MAML2: variants seen among roughly 807,000 people sequenced by gnomAD.
The protein encoded by MAML2 is mastermind like transcriptional coactivator 2.
MAML2 carries 22 observed loss-of-function variants against 96.1 expected under a neutral mutation model. The ratio of observed to expected loss-of-function variants is 0.23; its 90% CI spans 0.16 to 0.33. The LOEUF (loss-of-function observed/expected upper bound fraction) is 0.33, where lower values mean the gene tolerates loss of function less well. Among genes scored for constraint, MAML2 ranks in the 10% least tolerant of loss-of-function variants. The pLI, the probability that MAML2 is intolerant of heterozygous loss-of-function variation, is 1.00. For synonymous variants in MAML2, 561 were observed against 521.3 expected (o/e 1.08, Z -1.04); for missense variants, 1,367 against 1,392.4 (o/e 0.98, Z 0.29).
intron 1 of MAML2, among the ~76,000 whole-genome samples, chr11:96,308,219 C>T (rs965475249): frequency 6.6e-6 from 1 of 151,998 alleles, no homozygotes; most frequent in Non-Finnish European, 1.5e-5. Context: ...ATATAAAATA[C>T]TAATGACAAA....
chr11:96,258,535 C>T (rs183263647), intron 1 of MAML2, among the ~76,000 whole-genome samples: 2 of 152,174 alleles, frequency 1.3e-5, no homozygotes, highest in Non-Finnish European at 2.9e-5. Context: ...CTGTGATTTG[C>T]AATGGGCTTC....
chr11:95,982,241 A>G (rs1018971178), intron 4 of MAML2, among the ~76,000 whole-genome samples: 3 of 152,202 alleles, frequency 2.0e-5, no homozygotes, highest in Admixed American at 6.5e-5. Context: ...AAAAACACCA[A>G]TATTCACTGT....
At chr11:96,173,926 T>C (rs895959548) in intron 1 of MAML2, among the ~76,000 whole-genome samples, 1 of 152,238 alleles carries the variant, frequency 6.6e-6, no homozygotes, top group Non-Finnish European at 1.5e-5. Context: ...CCTGTTTCTC[T>C]TCAGGACAAG....
intron 1 of MAML2, among the ~76,000 whole-genome samples, chr11:96,262,437 C>T (rs905401074): frequency 6.6e-6 from 1 of 151,642 alleles, no homozygotes; most frequent in African/African-American, 2.4e-5. Flanking sequence ...TCCCTCCAGT[C>T]ACCATTTGTT....
At chr11:96,165,728 A>G (rs1287538749) in intron 1 of MAML2, among the ~76,000 whole-genome samples, 1 of 152,266 alleles carries the variant, frequency 6.6e-6, no homozygotes, top group African/African-American at 2.4e-5. Flanking sequence ...ACGCTCTCAC[A>G]GCAGAGTACC....
Position 96,090,330 on chromosome 11 carries a change from C to T in MAML2, c.2139+1562G>A, listed in dbSNP as rs1859683606. ...CATTTTGGTGATTTATGGCTCTTTC[C>T]ATAATCATTATAGTAATCAACTTAT... On this transcript the variant is annotated intron_variant, in intron 2 of 4. Coordinates refer to ENST00000524717, the MANE Select transcript of MAML2 (RefSeq NM_032427.4). Among the ~76,000 whole-genome samples the T allele has an allele frequency of 2.0e-5, 3 of 152,060 alleles. No homozygotes were observed. The South Asian group carries it at 6.2e-4, about 32-fold the overall frequency.
At chr11:96,182,957 CTTTTTT>C (rs11301035) in intron 1 of MAML2, among the ~76,000 whole-genome samples, 1 of 108,254 alleles carries the variant, frequency 9.2e-6, no homozygotes, top group Non-Finnish European at 1.9e-5. Flanking sequence ...CCTTTCTTTT[CTTTTTT>C]TTTTTTTTTT....
chr11:96,342,353 G>A lies in MAML2; in HGVS notation c.-458C>T. ...AATAGAGAGGACTCCCCCTCACCTA[G>A]TTGTTTCCGACAATTCTTTATGGGG... On this transcript the variant is annotated 5_prime_UTR_variant, in exon 1 of 5. Transcript: ENST00000524717. 1 of 399,980 alleles carries A rather than the reference G, an allele frequency of 2.5e-6. No homozygotes were observed. The highest frequency in any genetic ancestry group is 4.4e-6 in the Non-Finnish European group (1 of 227,098). The allele number at this position is 399,980 out of a possible 1,614,324, so 24.8% of individuals were successfully genotyped here. A position where few individuals can be genotyped will look rare whatever the true frequency, so the allele number is the denominator to read the frequency against.
chr11:96,238,643 A>G (rs1439493070), intron 1 of MAML2, among the ~76,000 whole-genome samples: 1 of 152,198 alleles, frequency 6.6e-6, no homozygotes, highest in Non-Finnish European at 1.5e-5. Context: ...CTTTATTGAT[A>G]TGATATGTAG....
In MAML2 at chr11:96,182,716, G is replaced by A. The variant is rs1325795088; in HGVS notation, c.514-89199C>T. On this transcript the variant is annotated intron_variant, in intron 1 of 4. Coordinates refer to ENST00000524717, the MANE Select transcript of MAML2 (RefSeq NM_032427.4). ...TAAGTAGCTTGCACAAGTCCACACAGCTAGTAAGAGGGCATACCTGAGATT... is the reference window on the plus strand; with the variant it reads ...TAAGTAGCTTGCACAAGTCCACACAACTAGTAAGAGGGCATACCTGAGATT... Among the ~76,000 whole-genome samples, 8 of 152,240 alleles carry A rather than the reference G, an allele frequency of 5.3e-5. No individual in the cohort carries two copies. The East Asian group carries it at 1.5e-3, about 29-fold the overall frequency.
At chr11:96,300,349 GAC>G (rs1414006176) in intron 1 of MAML2, among the ~76,000 whole-genome samples, 1 of 152,200 alleles carries the variant, frequency 6.6e-6, no homozygotes, top group Non-Finnish European at 1.5e-5. Flanking sequence ...GCCTGGAAGT[GAC>G]CTGAATATAG....
At chr11:96,218,892 G>C (rs1268832477) in intron 1 of MAML2, among the ~76,000 whole-genome samples, 1 of 152,196 alleles carries the variant, frequency 6.6e-6, no homozygotes, top group African/African-American at 2.4e-5. Context: ...AAATTTAACT[G>C]AGCATTTTAT....
intron 1 of MAML2, among the ~76,000 whole-genome samples, chr11:96,130,769 G>GA (rs1860534546): frequency 7.8e-6 from 1 of 128,388 alleles, no homozygotes; most frequent in South Asian, 2.6e-4. Flanking sequence ...TGTTTATTCT[G>GA]ATTTTTTTTT....
At chr11:96,322,566 C>G (rs939511176) in intron 1 of MAML2, among the ~76,000 whole-genome samples, 1 of 151,958 alleles carries the variant, frequency 6.6e-6, no homozygotes, top group Admixed American at 6.5e-5. Flanking sequence ...GTGGCGGGCG[C>G]CTGTATTCCC....
At chr11:96,220,126 A>G (rs560887124) in intron 1 of MAML2, among the ~76,000 whole-genome samples, 5 of 152,248 alleles carry the variant, frequency 3.3e-5, no homozygotes, top group African/African-American at 7.2e-5. Context: ...ATCAGGCCCT[A>G]CGTGAATTGA....
At chr11:96,040,014 C>T (rs934113435) in intron 2 of MAML2, among the ~76,000 whole-genome samples, 3 of 151,558 alleles carry the variant, frequency 2.0e-5, no homozygotes, top group Non-Finnish European at 2.9e-5. Context: ...GCAGCCTATT[C>T]GCTGCACTCA....
intron 1 of MAML2, among the ~76,000 whole-genome samples, chr11:96,126,958 G>A (rs966864334): frequency 2.6e-5 from 4 of 152,172 alleles, no homozygotes; most frequent in Non-Finnish European, 4.4e-5. Flanking sequence ...TATGGCCAGT[G>A]CAGTCATCTC....
chr11:96,266,563 T>G (rs1862831117), intron 1 of MAML2, among the ~76,000 whole-genome samples: 1 of 149,412 alleles, frequency 6.7e-6, no homozygotes, highest in Non-Finnish European at 1.5e-5. Context: ...AGAGTGAGAC[T>G]CCGTCTCAAA....
At chr11:96,121,529 A>G (rs1860339691) in intron 1 of MAML2, among the ~76,000 whole-genome samples, 1 of 152,046 alleles carries the variant, frequency 6.6e-6, no homozygotes, top group Non-Finnish European at 1.5e-5. Context: ...GAGAAGCACC[A>G]TATTATTTTT....
Sources: allele counts gnomAD v4.1 joint callset (sites outside exome capture counted in the v4.1 genomes callset), GRCh38; gene constraint gnomAD v4.1.1; transcripts MANE v1.5; gene names NCBI Gene and HGNC (gene_info 2026-07-23, HGNC 2026-07-21).